BRIP1: variants seen among roughly 807,000 people sequenced by gnomAD.
BRIP1 encodes the protein BRCA1 interacting DNA helicase 1.
Under a neutral mutation model 119.7 loss-of-function variants are expected in BRIP1, and 88 were observed. That is an observed-to-expected ratio of 0.74 (90% confidence interval 0.62 to 0.88). BRIP1 has a LOEUF of 0.88. BRIP1 is among the 40% of genes least tolerant of loss of function. The pLI is 0.00. For synonymous variants in BRIP1, 443 were observed against 496.5 expected (o/e 0.89, Z 1.43); for missense variants, 1,259 against 1,455.4 (o/e 0.87, Z 2.20).
intron 17 of BRIP1, among the ~76,000 whole-genome samples, chr17:61,697,896 C>T (rs958996253): frequency 6.6e-6 from 1 of 152,098 alleles, no homozygotes. Flanking sequence ...ACCTCCGCCC[C>T]CTGGGCTCAA....
At chr17:61,731,981 C>CTTTTTTTTTTTTTTTTT (rs71299809) in intron 16 of BRIP1, among the ~76,000 whole-genome samples, 51 of 83,016 alleles carry the variant, frequency 6.1e-4, no homozygotes, top group Non-Finnish European at 8.0e-4. Flanking sequence ...TTCTTTCTTT[C>CTTTTTTTTTTTTTTTTT]TTTTTTTTTT....
rs561827747 is a variant in BRIP1, at chr17:61,693,678, T to C, written c.2493-166A>G. On this transcript the variant is annotated intron_variant, in intron 17 of 19. Transcript: ENST00000259008. This position sits in a 1 kb window ranked among gnomAD's most constrained non-coding sequence, Gnocchi z 4.2. ...AGCTATCCAACACAATGTAACAAAC[T>C]AGATGTATTAAAAATTCCCTACTTT... Among the ~76,000 whole-genome samples, 8 of 152,260 alleles carry C rather than the reference T, an allele frequency of 5.3e-5. No individual in the cohort carries two copies. The highest frequency in any genetic ancestry group is 6.8e-3 in the Middle Eastern group (2 of 294).
Position 61,709,499 on chromosome 17 carries a change from GGAA to G in BRIP1, c.2492+6449_2492+6451del, listed in dbSNP as rs1280559177. Among the ~76,000 whole-genome samples, 14 of 152,236 alleles carry G rather than the reference GGAA, an allele frequency of 9.2e-5. No homozygotes were observed. The highest frequency in any genetic ancestry group is 8.5e-4 in the Admixed American group (13 of 15,276). On this transcript the variant is annotated intron_variant, in intron 17 of 19. Transcript: ENST00000259008. This position sits in a 1 kb window ranked among gnomAD's most constrained non-coding sequence, Gnocchi z 5.0. ...ACAGACCATAACACTGGGAAGGATA[GGAA>G]GAAGATTAATATTGTCAATACTACA...
chr17:61,684,117 C>T lies in BRIP1; in HGVS notation c.2929G>A (p.Ala977Thr), dbSNP rs864622628. 6.2e-7 allele frequency: 1 copy of T among 1,613,660 alleles called. No homozygotes were observed. Among genetic ancestry groups the T allele is most frequent in the Non-Finnish European group, 8.5e-7 (1 of 1,179,834 alleles). ...ATCACAATTTTTTCTGCTTTCCCTG[C>T]TTCTTCCAGGAATACTGGATCATCT... ...EKNDPVFLEE[A>T]GKAEKIVISR... is the part of the protein sequence containing the mutation. Residue 977 changes from alanine (A) to threonine (T), a missense_variant, in exon 20 of 20, where the codon GCA becomes ACA. By Grantham distance (58) the Ala-to-Thr change is moderately conservative. Transcript: ENST00000259008. This position sits in a 1 kb window ranked among gnomAD's most constrained non-coding sequence, Gnocchi z 4.5.
intron 10 of BRIP1, among the ~76,000 whole-genome samples, chr17:61,786,213 T>C (rs1329771611): frequency 6.6e-6 from 1 of 151,788 alleles, no homozygotes; most frequent in African/African-American, 2.4e-5. Context: ...TGTGTGTGTG[T>C]GACAGAGAGA....
Position 61,857,281 on chromosome 17 carries a change from C to A in BRIP1, c.206-50G>T, listed in dbSNP as rs2145832550. On this transcript the variant is annotated intron_variant, in intron 3 of 19. Coordinates refer to ENST00000259008, the MANE Select transcript of BRIP1 (RefSeq NM_032043.3). This position sits in a 1 kb window ranked among gnomAD's most constrained non-coding sequence, Gnocchi z 5.1. ...ATAATATATCTAATTAAATAAACAT[C>A]AATCATTCTCTACAGCCCAGTTCAC... 1.3e-6 allele frequency: 2 copies of A among 1,487,628 alleles called. No homozygotes were observed. The highest frequency in any genetic ancestry group is 3.7e-5 in the Admixed American group (2 of 53,960). 92.2% of individuals were successfully genotyped at this position (1,487,628 alleles called of 1,614,324 possible). A position where few individuals can be genotyped will look rare whatever the true frequency, so the allele number is the denominator to read the frequency against.
rs1403534504 is a variant in BRIP1, at chr17:61,761,586, C to T, written c.2097+14815G>A. On this transcript the variant is annotated intron_variant, in intron 14 of 19. Coordinates refer to ENST00000259008, the MANE Select transcript of BRIP1 (RefSeq NM_032043.3). The surrounding 1 kb of genome is among the most constrained non-coding windows in gnomAD (Gnocchi z 6.4). ...AAACTTGCAGGATACAAAATCAACA[C>T]ACAAAAAATCAGTAGCATTTCTATA... 1.3e-5 allele frequency among the ~76,000 whole-genome samples: 2 copies of T among 151,744 alleles called. No individual in the cohort carries two copies. Among genetic ancestry groups the T allele is most frequent in the African/African-American group, 2.4e-5 (1 of 41,350 alleles).
chr17:61,797,429 A>C (rs1425682374), intron 9 of BRIP1, among the ~76,000 whole-genome samples: 1 of 152,054 alleles, frequency 6.6e-6, no homozygotes, highest in African/African-American at 2.4e-5. Context: ...AAAAGAAACA[A>C]TAACCTCTGT....
Position 61,730,843 on chromosome 17 carries a change from G to T in BRIP1, c.2379+12170C>A, listed in dbSNP as rs1603299339. On this transcript the variant is annotated intron_variant, in intron 16 of 19. Coordinates refer to ENST00000259008, the MANE Select transcript of BRIP1 (RefSeq NM_032043.3). This position sits in a 1 kb window ranked among gnomAD's most constrained non-coding sequence, Gnocchi z 4.3. ...CCAAAATATCTTTTAAAAATATGGA[G>T]AATTTAAAAATTAACCTCAGCAATT... Among the ~76,000 whole-genome samples, 1 of 151,900 alleles carries T rather than the reference G, an allele frequency of 6.6e-6. No individual in the cohort carries two copies. Among genetic ancestry groups the T allele is most frequent in the South Asian group, 2.1e-4 (1 of 4,816 alleles).
chr17:61,830,816 C>A (rs112112762), intron 6 of BRIP1, among the ~76,000 whole-genome samples: 9,441 of 152,152 alleles, frequency 0.062, 378 homozygotes, highest in Non-Finnish European at 0.092. Flanking sequence ...CAGATAAAGA[C>A]ATTACAGAAA....
At position 61,726,048 on chromosome 17, in the gene BRIP1, G is replaced by A. The variant is rs1388833527; in HGVS notation, c.2380-9985C>T. Among the ~76,000 whole-genome samples the A allele has an allele frequency of 1.3e-5, 2 of 152,118 alleles. No homozygotes were observed. Among genetic ancestry groups the A allele is most frequent in the Non-Finnish European group, 2.9e-5 (2 of 68,032 alleles). ...TCATCTCTAGAACATGCCACCATTC[G>A]TGTTATAGTTTATTTTGAGGAAGAA... On this transcript the variant is annotated intron_variant, in intron 16 of 19. Coordinates refer to ENST00000259008, the MANE Select transcript of BRIP1 (RefSeq NM_032043.3). This position sits in a 1 kb window ranked among gnomAD's most constrained non-coding sequence, Gnocchi z 6.2.
rs949657485 is a variant in BRIP1 at position 61,852,967 on chromosome 17, T to C, written c.380-3711A>G. On this transcript the variant is annotated intron_variant, in intron 4 of 19. Coordinates refer to ENST00000259008, the MANE Select transcript of BRIP1 (RefSeq NM_032043.3). The surrounding 1 kb of genome is among the most constrained non-coding windows in gnomAD (Gnocchi z 4.9). ...TCAGTATCTACTATAGCTGAACATA[T>C]GTATATACTATGACCAGGTATGTGT... is the stretch of plus-strand genomic sequence containing the variant. Among the ~76,000 whole-genome samples the C allele has an allele frequency of 1.3e-5, 2 of 152,174 alleles. No homozygotes were observed. Among genetic ancestry groups the C allele is most frequent in the Non-Finnish European group, 2.9e-5 (2 of 68,030 alleles).
chr17:61,861,329 G>A lies in BRIP1; in HGVS notation c.93+118C>T. The A allele has an allele frequency of 1.3e-6, 1 of 756,782 alleles. No homozygotes were observed. Among genetic ancestry groups the A allele is most frequent in the Non-Finnish European group, 2.3e-6 (1 of 432,954 alleles). The allele number at this position is 756,782 out of a possible 1,614,324, so 46.9% of individuals were successfully genotyped here. On this transcript the variant is annotated intron_variant, in intron 2 of 19. Coordinates refer to ENST00000259008, the MANE Select transcript of BRIP1 (RefSeq NM_032043.3). This position sits in a 1 kb window ranked among gnomAD's most constrained non-coding sequence, Gnocchi z 4.5. ...CCAGAGGTTAGATATTCTTCCAAGT[G>A]AACCCAGAAAATATTCTCCATTTAC... is the stretch of plus-strand genomic sequence containing the variant.
Position 61,789,084 on chromosome 17 carries a change from G to GACTTC in BRIP1, c.1473+4512_1473+4513insGAAGT, listed in dbSNP as rs2077776801. ...CACTCCAGCCTGGTTAACAGAGTGA[G>GACTTC]ATTCTGTCTCAAAATAAATAAAAAA... On this transcript the variant is annotated intron_variant, in intron 10 of 19. Transcript: ENST00000259008. This position sits in a 1 kb window ranked among gnomAD's most constrained non-coding sequence, Gnocchi z 4.8. Among the ~76,000 whole-genome samples the GACTTC allele has an allele frequency of 6.6e-6, 1 of 151,898 alleles. No individual in the cohort carries two copies. The highest frequency in any genetic ancestry group is 1.5e-5 in the Non-Finnish European group (1 of 67,972).
Position 61,823,796 on chromosome 17 carries a change from A to ACACACACACACACACACACACACC in BRIP1, c.628-15040_628-15039insGGTGTGTGTGTGTGTGTGTGTGTG, listed in dbSNP as rs371160215. On this transcript the variant is annotated intron_variant, in intron 6 of 19. Coordinates refer to ENST00000259008, the MANE Select transcript of BRIP1 (RefSeq NM_032043.3). The surrounding 1 kb of genome is among the most constrained non-coding windows in gnomAD (Gnocchi z 4.8). ...CACACACACACACACACACACACACACCTTAGTTGAATTGCTGAAAGCAGA... is the reference window on the plus strand; with the variant it reads ...CACACACACACACACACACACACACACACACACACACACACACACACACCCCTTAGTTGAATTGCTGAAAGCAGA... Among the ~76,000 whole-genome samples, 4 of 148,822 alleles carry ACACACACACACACACACACACACC rather than the reference A, an allele frequency of 2.7e-5. No individual in the cohort carries two copies. Among genetic ancestry groups the ACACACACACACACACACACACACC allele is most frequent in the Non-Finnish European group, 3.0e-5 (2 of 67,434 alleles).
At position 61,708,466 on chromosome 17, in the gene BRIP1, A is replaced by G. The variant is rs2061726433; in HGVS notation, c.2492+7485T>C. ...GTACTATCCATGGTTTCAGGCATTT[A>G]GTGGAGGTTGTGGAATCTATCTTCT... is the stretch of plus-strand genomic sequence containing the variant. On this transcript the variant is annotated intron_variant, in intron 17 of 19. Coordinates refer to ENST00000259008, the MANE Select transcript of BRIP1 (RefSeq NM_032043.3). The surrounding 1 kb of genome is among the most constrained non-coding windows in gnomAD (Gnocchi z 4.4). 6.6e-6 allele frequency among the ~76,000 whole-genome samples: 1 copy of G among 152,190 alleles called. No individual in the cohort carries two copies. Among genetic ancestry groups the G allele is most frequent in the Non-Finnish European group, 1.5e-5 (1 of 68,028 alleles).
rs1340763255 is a variant in BRIP1 at position 61,842,753 on chromosome 17, G to A, written c.627+4348C>T. ...GCTGCTACTTCTACTACCACTTGGC[G>A]CTTAAACTCTAAGGTATGCCAGATA... On this transcript the variant is annotated intron_variant, in intron 6 of 19. Transcript: ENST00000259008. The surrounding 1 kb of genome is among the most constrained non-coding windows in gnomAD (Gnocchi z 5.1). Among the ~76,000 whole-genome samples the A allele has an allele frequency of 1.3e-5, 2 of 152,086 alleles. No individual in the cohort carries two copies. The highest frequency in any genetic ancestry group is 6.5e-5 in the Admixed American group (1 of 15,268).
intron 14 of BRIP1, among the ~76,000 whole-genome samples, chr17:61,764,759 C>T (rs999352373): frequency 6.6e-6 from 1 of 151,874 alleles, no homozygotes; most frequent in African/African-American, 2.4e-5. Context: ...CCCAAAAGTG[C>T]TTCCTATATT....
chr17:61,732,985 C>T (rs1463133069), intron 16 of BRIP1, among the ~76,000 whole-genome samples: 1 of 152,168 alleles, frequency 6.6e-6, no homozygotes, highest in African/African-American at 2.4e-5. Context: ...TAAGCCACTG[C>T]ACACGGCCGT....
Sources: gnomAD v4.1 joint callset for allele counts (sites outside exome capture counted in the v4.1 genomes callset) on GRCh38, gnomAD v4.1.1 for gene constraint, Gnocchi (gnomAD v3.1) non-coding constraint, MANE v1.5 for transcripts, NCBI Gene and HGNC (gene_info 2026-07-23, HGNC 2026-07-21) for gene names.